MACROD2: variants seen among roughly 807,000 people sequenced by gnomAD.
MACROD2 encodes mono-ADP ribosylhydrolase 2.
MACROD2 carries 36 observed loss-of-function variants against 70.4 expected under a neutral mutation model. The observed-to-expected ratio is 0.51, with a 90% CI of 0.39 to 0.68. The LOEUF (loss-of-function observed/expected upper bound fraction) is 0.68, where lower values mean the gene tolerates loss of function less well. Among genes scored for constraint, MACROD2 ranks in the 30% least tolerant of loss-of-function variants. The pLI is 0.00. For synonymous variants in MACROD2, 172 were observed against 178.8 expected (o/e 0.96, Z 0.30); for missense variants, 496 against 538.4 (o/e 0.92, Z 0.78).
At chr20:15,495,473 G>A (rs1419687231) in intron 7 of MACROD2, among the ~76,000 whole-genome samples, 2 of 152,090 alleles carry the variant, frequency 1.3e-5, no homozygotes, top group Non-Finnish European at 2.9e-5. Context: ...GGATGAAAAG[G>A]GATATTCTGA....
At chr20:14,766,544 T>C (rs1244031223) in intron 5 of MACROD2, among the ~76,000 whole-genome samples, 2 of 152,092 alleles carry the variant, frequency 1.3e-5, no homozygotes, top group African/African-American at 4.8e-5. Context: ...TGAAGCCTTG[T>C]AAGATTAACC....
intron 3 of MACROD2, among the ~76,000 whole-genome samples, chr20:14,136,342 G>C (rs1601264012): frequency 1.3e-5 from 2 of 152,226 alleles, no homozygotes; most frequent in Admixed American, 6.5e-5. Context: ...AGTGGTTCAC[G>C]CCTGTAATCC....
intron 8 of MACROD2, among the ~76,000 whole-genome samples, chr20:15,568,768 T>C (rs1476932235): frequency 6.6e-6 from 1 of 152,216 alleles, no homozygotes; most frequent in Non-Finnish European, 1.5e-5. Flanking sequence ...TTGGGGCTCC[T>C]GTTAATAAGC....
At chr20:15,499,251 A>G (rs1054323900) in intron 7 of MACROD2, among the ~76,000 whole-genome samples, 5 of 152,112 alleles carry the variant, frequency 3.3e-5, no homozygotes, top group Non-Finnish European at 5.9e-5. Context: ...TCCAAGCATC[A>G]CCTCTGATGG....
intron 8 of MACROD2, among the ~76,000 whole-genome samples, chr20:15,587,529 G>A (rs979690319): frequency 1.1e-4 from 17 of 152,086 alleles, no homozygotes; most frequent in African/African-American, 3.1e-4. Context: ...CTCATCTGAC[G>A]GACAAGGCAA....
At chr20:14,870,622 T>A (rs1420920489) in intron 5 of MACROD2, among the ~76,000 whole-genome samples, 1 of 152,080 alleles carries the variant, frequency 6.6e-6, no homozygotes. Flanking sequence ...TTTTTTTGAC[T>A]TTTTAATAAT....
chr20:15,239,184 A>ATTTTTT lies in MACROD2; in HGVS notation c.540+9135_540+9140dup, dbSNP rs113667803. ...AACATTTTTTCTTGCAAATGTTCAG[A>ATTTTTT]TTTTTTTTTTTTTTTTTGGAGAGCA... is the stretch of plus-strand genomic sequence containing the variant. On this transcript the variant is annotated intron_variant, in intron 6 of 17. Transcript: ENST00000684519. Among the ~76,000 whole-genome samples the ATTTTTT allele has an allele frequency of 5.4e-3, 746 of 137,994 alleles. 9 individuals carry two copies. The highest frequency in any genetic ancestry group is 0.014 in the African/African-American group (500 of 36,968). The allele number at this position is 137,994 out of a possible 152,430, so 90.5% of individuals were successfully genotyped here.
chr20:15,901,292 A>G (rs530076503), intron 10 of MACROD2, among the ~76,000 whole-genome samples: 3 of 151,794 alleles, frequency 2.0e-5, no homozygotes, highest in African/African-American at 4.9e-5. Context: ...GATTCCCAAG[A>G]AACTACAGAA....
intron 5 of MACROD2, among the ~76,000 whole-genome samples, chr20:14,990,081 G>T (rs1371247467): frequency 2.6e-5 from 4 of 152,044 alleles, no homozygotes; most frequent in East Asian, 1.9e-4. Context: ...GGGGTAGGCA[G>T]TTACACTGGT....
chr20:14,809,430 A>G (rs1026594169), intron 5 of MACROD2, among the ~76,000 whole-genome samples: 1 of 152,144 alleles, frequency 6.6e-6, no homozygotes, highest in Non-Finnish European at 1.5e-5. Flanking sequence ...GACACAGCTA[A>G]AACAGTGTTT....
At chr20:14,098,714 AT>A (rs1266144923) in intron 3 of MACROD2, among the ~76,000 whole-genome samples, 1 of 152,172 alleles carries the variant, frequency 6.6e-6, no homozygotes, top group Non-Finnish European at 1.5e-5. Flanking sequence ...AATTTAAGTT[AT>A]TGGGGAAATA....
At chr20:15,937,398 G>T (rs1054071921) in intron 11 of MACROD2, 78 bp from the exon 12 acceptor site, 6 of 1,241,924 alleles carry the variant, frequency 4.8e-6, no homozygotes, top group African/African-American at 1.5e-5. Context: ...AGAGTGGAGG[G>T]AGGTGCAGGG....
intron 3 of MACROD2, among the ~76,000 whole-genome samples, chr20:14,233,973 G>A (rs1359418504): frequency 1.3e-5 from 2 of 152,082 alleles, no homozygotes; most frequent in African/African-American, 4.8e-5. Flanking sequence ...ATACTCTAAA[G>A]GTAAATATAT....
chr20:14,379,934 T>A (rs1568585811), intron 3 of MACROD2, among the ~76,000 whole-genome samples: 1 of 152,168 alleles, frequency 6.6e-6, no homozygotes, highest in Admixed American at 6.5e-5. Context: ...TGTACAAGTA[T>A]CTACTTTCAA....
At chr20:15,496,217 C>T (rs1272170493) in intron 7 of MACROD2, among the ~76,000 whole-genome samples, 2 of 152,196 alleles carry the variant, frequency 1.3e-5, no homozygotes, top group African/African-American at 2.4e-5. Context: ...AGCAAACAAA[C>T]TAACGAGAAA....
At chr20:14,812,673 G>A (rs552272653) in intron 5 of MACROD2, among the ~76,000 whole-genome samples, 1 of 152,082 alleles carries the variant, frequency 6.6e-6, no homozygotes, top group African/African-American at 2.4e-5. Flanking sequence ...TACAGAGATA[G>A]GAAAAACCAA....
intron 6 of MACROD2, among the ~76,000 whole-genome samples, chr20:15,246,641 T>C (rs527875948): frequency 7.9e-5 from 12 of 152,312 alleles, no homozygotes; most frequent in African/African-American, 2.6e-4. Flanking sequence ...GATGATATAG[T>C]TGTGGAAAAC....
At chr20:14,149,546 T>C (rs1168979930) in intron 3 of MACROD2, among the ~76,000 whole-genome samples, 2 of 152,166 alleles carry the variant, frequency 1.3e-5, no homozygotes, top group South Asian at 2.1e-4. Context: ...TTTAAGTTCT[T>C]TGAGAAATCT....
chr20:14,345,188 G>A (rs935484703), intron 3 of MACROD2, among the ~76,000 whole-genome samples: 2 of 152,070 alleles, frequency 1.3e-5, no homozygotes, highest in African/African-American at 4.8e-5. Flanking sequence ...ACTTTGTCTA[G>A]GATTTTAAGT....
Sources: gnomAD v4.1 joint callset for allele counts (sites outside exome capture counted in the v4.1 genomes callset) on GRCh38, gnomAD v4.1.1 for gene constraint, MANE v1.5 for transcripts, NCBI Gene and HGNC (gene_info 2026-07-23, HGNC 2026-07-21) for gene names.